Variants in IL1R1 observed in about 807,000 individuals in gnomAD.
The protein encoded by IL1R1 is interleukin-1 receptor type 1.
IL1R1 carries 22 observed loss-of-function variants against 50.2 expected under a neutral mutation model. The ratio of observed to expected loss-of-function variants is 0.44; its 90% CI spans 0.31 to 0.63. IL1R1 has a LOEUF of 0.63. Among genes scored for constraint, IL1R1 ranks in the 20% least tolerant of loss-of-function variants. The pLI is 0.07. For synonymous variants in IL1R1, 251 were observed against 236.7 expected (o/e 1.06, Z -0.55); for missense variants, 509 against 676.2 (o/e 0.75, Z 2.74).
At chr2:102,104,260 C>T (rs531135346), upstream of IL1R1, among the ~76,000 whole-genome samples, 95 of 152,268 alleles carry the variant, frequency 6.2e-4, 1 homozygote, top group African/African-American at 2.0e-3. Context: ...CCTGGGCTGA[C>T]TCTAGGGAGA....
chr2:102,095,844 A>C (rs957733242), intron 1 of IL1R1, among the ~76,000 whole-genome samples: 1 of 151,988 alleles, frequency 6.6e-6, no homozygotes, highest in African/African-American at 2.4e-5. Flanking sequence ...CTCTACTAAA[A>C]ATAGAAAAAT....
chr2:102,115,408 T>A (rs1468126094), intron 1 of IL1R1, among the ~76,000 whole-genome samples: 1 of 152,248 alleles, frequency 6.6e-6, no homozygotes. Context: ...TTTAAGGCAC[T>A]GTGGATATAA....
At chr2:102,115,119 G>T (rs1456115108) in intron 1 of IL1R1, among the ~76,000 whole-genome samples, 2 of 152,240 alleles carry the variant, frequency 1.3e-5, no homozygotes, top group African/African-American at 2.4e-5. Flanking sequence ...AACTCCAGAA[G>T]TTCTGATGTG....
chr2:102,095,223 T>G (rs1395735876), intron 1 of IL1R1, among the ~76,000 whole-genome samples: 36 of 152,226 alleles, frequency 2.4e-4, no homozygotes, highest in African/African-American at 8.2e-4. Flanking sequence ...TGTGTGTATG[T>G]GATAGTGATG....
rs1348555410 is a variant in IL1R1 at position 102,179,254 on chromosome 2, CA to C, written c.*2499del. On this transcript the variant is annotated 3_prime_UTR_variant, in exon 12 of 12. Coordinates refer to ENST00000410023, the MANE Select transcript of IL1R1 (RefSeq NM_000877.4). The stretch of plus-strand genomic sequence containing the variant: ...CCAATTTGGAAACTTAGGTTAGTGA[CA>C]AAATTGGCCAGAGAGTGGGGGTGAT... 6.6e-6 allele frequency: 1 copy of C among 152,262 alleles called. No homozygotes were observed. Among genetic ancestry groups the C allele is most frequent in the African/African-American group, 2.4e-5 (1 of 41,408 alleles). 9.4% of individuals were successfully genotyped at this position (152,262 alleles called of 1,614,324 possible).
chr2:102,079,039 C>T (rs1486040948), intron 1 of IL1R1, among the ~76,000 whole-genome samples: 4 of 151,888 alleles, frequency 2.6e-5, no homozygotes, highest in Non-Finnish European at 4.4e-5. Context: ...AATCTGACAC[C>T]CTTTCAAGAT....
chr2:102,119,443 T>A (rs1157186353), intron 1 of IL1R1, among the ~76,000 whole-genome samples: 1 of 152,240 alleles, frequency 6.6e-6, no homozygotes, highest in East Asian at 1.9e-4. Context: ...CTTCTGGAAC[T>A]GAGATGCCAA....
At chr2:102,139,698 C>G (rs187116242), upstream of IL1R1, among the ~76,000 whole-genome samples, 15 of 152,180 alleles carry the variant, frequency 9.9e-5, no homozygotes, top group South Asian at 2.5e-3. Flanking sequence ...TGGCACCTCC[C>G]GCACCTCTCT....
At chr2:102,071,751 C>T (rs1678729635) in intron 1 of IL1R1, among the ~76,000 whole-genome samples, 1 of 152,150 alleles carries the variant, frequency 6.6e-6, no homozygotes, top group African/African-American at 2.4e-5. Context: ...GCTTTACAAC[C>T]TCTTGTGAGG....
At chr2:102,084,008 C>T (rs986115486) in intron 1 of IL1R1, among the ~76,000 whole-genome samples, 4 of 152,224 alleles carry the variant, frequency 2.6e-5, no homozygotes. Context: ...TTTTGCCCTG[C>T]CTTTTAGCTC....
chr2:102,176,128 A>T (rs1333130558), intron 11 of IL1R1: 3 of 504,116 alleles, frequency 6.0e-6, no homozygotes, highest in African/African-American at 5.8e-5. Flanking sequence ...TTGAGGCTGC[A>T]GTGATCCAAG....
chr2:102,105,333 G>GT (rs5832993), intron 1 of IL1R1, among the ~76,000 whole-genome samples: 131,156 of 152,204 alleles, frequency 0.86, 56,937 homozygotes, highest in East Asian at 0.96. Context: ...ATAACCCAAT[G>GT]TTGACTGAAG....
At chr2:102,154,279 T>G (rs1290434874) in intron 2 of IL1R1, among the ~76,000 whole-genome samples, 1 of 152,186 alleles carries the variant, frequency 6.6e-6, no homozygotes, top group Non-Finnish European at 1.5e-5. Flanking sequence ...TGGGAAATGA[T>G]GGGTTCCAGT....
intron 1 of IL1R1, among the ~76,000 whole-genome samples, chr2:102,124,753 A>G (rs1681601820): frequency 6.6e-6 from 1 of 151,914 alleles, no homozygotes; most frequent in Admixed American, 6.6e-5. Flanking sequence ...CCCTGTCTCT[A>G]TTAAATACAA....
chr2:102,107,480 C>T (rs1441784351), intron 1 of IL1R1, among the ~76,000 whole-genome samples: 14 of 119,640 alleles, frequency 1.2e-4, no homozygotes, highest in South Asian at 2.9e-4. Context: ...CATCACACAC[C>T]GGGGCCTGTT....
chr2:102,163,582 C>CTA (rs1559500341), intron 3 of IL1R1, among the ~76,000 whole-genome samples: 2 of 152,060 alleles, frequency 1.3e-5, no homozygotes, highest in Non-Finnish European at 2.9e-5. Flanking sequence ...CATGTCTTCA[C>CTA]TAATCATGTT....
rs1188058873 is a variant in IL1R1 at position 102,165,085 on chromosome 2, GCTTAA to G, written c.297-25_297-21del. Reference sequence around the variant, plus strand: ...TAAGGACAGAAATACTTTTAATAATGCTTAACTTACCTATTTTATTTTATTTTAGA... The same window carrying G: ...TAAGGACAGAAATACTTTTAATAATGCTTACCTATTTTATTTTATTTTAGA... On this transcript the variant is annotated intron_variant, in intron 4 of 11. Transcript: ENST00000410023. 4.5e-6 allele frequency: 7 copies of G among 1,548,426 alleles called. No individual in the cohort carries two copies. The South Asian group carries it at 7.2e-5, about 16-fold the overall frequency.
chr2:102,159,688 C>A (rs959358067), intron 3 of IL1R1, among the ~76,000 whole-genome samples: 3 of 152,132 alleles, frequency 2.0e-5, no homozygotes, highest in African/African-American at 2.4e-5. Context: ...ATAACACCAC[C>A]ACCCTATGAA....
At chr2:102,086,879 C>A (rs945755204) in intron 1 of IL1R1, among the ~76,000 whole-genome samples, 3 of 152,166 alleles carry the variant, frequency 2.0e-5, no homozygotes, top group Admixed American at 6.5e-5. Flanking sequence ...GAGTGACCTA[C>A]ATTTTTGAAG....
Sources: allele counts gnomAD v4.1 joint callset (sites outside exome capture counted in the v4.1 genomes callset), GRCh38; gene constraint gnomAD v4.1.1; transcripts MANE v1.5; gene names NCBI Gene and HGNC (gene_info 2026-07-23, HGNC 2026-07-21).